ASCC3: variants seen among roughly 807,000 people sequenced by gnomAD.
The protein encoded by ASCC3 is ASC-1 complex subunit P200.
ASCC3 carries 158 observed loss-of-function variants against 256.3 expected under a neutral mutation model. The ratio of observed to expected loss-of-function variants is 0.62; its 90% confidence interval spans 0.54 to 0.70. The LOEUF is 0.70. Ranked by LOEUF, ASCC3 falls within the 30% of genes least tolerant of loss-of-function variation. The probability of loss-of-function intolerance (pLI) is 0.00; values close to 1 mark genes in which losing one functional copy is unlikely to be tolerated. For missense variants in ASCC3, 2,259 were observed against 2,626.0 expected, an observed-to-expected ratio of 0.86 and a Z score of 3.05; for synonymous variants, 948 against 883.4, an observed-to-expected ratio of 1.07 and a Z score of -1.30.
chr6:100,780,777 T>C (rs1182425043), intron 8 of ASCC3, among the ~76,000 whole-genome samples: 1 of 152,172 alleles, frequency 6.6e-6, no homozygotes, highest in Admixed American at 6.5e-5. Flanking sequence ...TTTCCAAAAT[T>C]GACTCAATCA....
chr6:100,563,255 C>CT (rs1042019336), intron 36 of ASCC3, among the ~76,000 whole-genome samples: 3 of 152,002 alleles, frequency 2.0e-5, no homozygotes, highest in Non-Finnish European at 2.9e-5. Flanking sequence ...TTCTTCAACT[C>CT]TTTTTTGTGC....
intron 4 of ASCC3, among the ~76,000 whole-genome samples, chr6:100,847,253 T>C (rs1462009401): frequency 6.6e-6 from 1 of 152,154 alleles, no homozygotes; most frequent in Non-Finnish European, 1.5e-5. Context: ...TGAGCAAATA[T>C]TAGTAAAATT....
chr6:100,863,969 A>C, intron 3 of ASCC3, 95 bp downstream of exon 3: 4 of 1,147,928 alleles, frequency 3.5e-6, no homozygotes, highest in Non-Finnish European at 4.8e-6. Context: ...AGGAAATTTT[A>C]GCTTTCCTTT....
At chr6:100,853,102 A>T (rs779196833) in intron 3 of ASCC3, among the ~76,000 whole-genome samples, 4 of 152,150 alleles carry the variant, frequency 2.6e-5, no homozygotes, top group Non-Finnish European at 5.9e-5. Flanking sequence ...ATTATAAATA[A>T]TTTTCAAACT....
At chr6:100,717,654 T>A (rs768224251) in intron 12 of ASCC3, among the ~76,000 whole-genome samples, 4 of 152,072 alleles carry the variant, frequency 2.6e-5, no homozygotes, top group Non-Finnish European at 4.4e-5. Context: ...GTTGCTACTA[T>A]GATATTATTT....
At chr6:100,872,469 C>CGGGGGGG (rs757129669) in intron 1 of ASCC3, among the ~76,000 whole-genome samples, 1 of 128,788 alleles carries the variant, frequency 7.8e-6, no homozygotes. Context: ...AAAAAAGGGT[C>CGGGGGGG]GGGGGGGGAT....
chr6:100,724,975 G>A (rs1273189997), intron 11 of ASCC3, among the ~76,000 whole-genome samples: 1 of 151,866 alleles, frequency 6.6e-6, no homozygotes, highest in South Asian at 2.1e-4. Flanking sequence ...ACTAGTAATC[G>A]GCAGTCTGGC....
intron 8 of ASCC3, among the ~76,000 whole-genome samples, chr6:100,773,715 A>G (rs1210321766): frequency 6.6e-6 from 1 of 152,176 alleles, no homozygotes; most frequent in African/African-American, 2.4e-5. Flanking sequence ...TTACTCCAGT[A>G]CCTAATCAAT....
intron 8 of ASCC3, among the ~76,000 whole-genome samples, chr6:100,780,876 C>T (rs1201379329): frequency 6.6e-6 from 1 of 152,180 alleles, no homozygotes; most frequent in Non-Finnish European, 1.5e-5. Context: ...CCAACCTAAG[C>T]CTCATTACTC....
intron 11 of ASCC3, among the ~76,000 whole-genome samples, chr6:100,724,948 C>T (rs1779556016): frequency 1.3e-5 from 2 of 151,996 alleles, no homozygotes; most frequent in African/African-American, 4.8e-5. Context: ...TAGTCAGCAT[C>T]TCCAGCAATA....
intron 37 of ASCC3, among the ~76,000 whole-genome samples, chr6:100,537,220 G>A (rs1775204307): frequency 6.6e-6 from 1 of 152,102 alleles, no homozygotes; most frequent in African/African-American, 2.4e-5. Context: ...TCTGTCATAA[G>A]CCTCCTGATA....
intron 3 of ASCC3, among the ~76,000 whole-genome samples, chr6:100,852,665 A>C (rs576016250): frequency 2.0e-5 from 3 of 152,312 alleles, no homozygotes; most frequent in Non-Finnish European, 4.4e-5. Context: ...GCCACAGATA[A>C]ATTGATACAC....
At chr6:100,866,857 C>G (rs535321476) in intron 2 of ASCC3, among the ~76,000 whole-genome samples, 11 of 152,280 alleles carry the variant, frequency 7.2e-5, no homozygotes, top group Non-Finnish European at 1.3e-4. Context: ...TTTTGTTATT[C>G]TGTGCAAACT....
intron 30 of ASCC3, among the ~76,000 whole-genome samples, chr6:100,621,915 GA>G (rs1773971431): frequency 6.6e-6 from 1 of 152,164 alleles, no homozygotes; most frequent in South Asian, 2.1e-4. Context: ...GCCATGAAAA[GA>G]AATGAGATCA....
At chr6:100,515,727 G>C (rs1320900492) in intron 39 of ASCC3, among the ~76,000 whole-genome samples, 1 of 152,118 alleles carries the variant, frequency 6.6e-6, no homozygotes, top group Non-Finnish European at 1.5e-5. Flanking sequence ...ACAAATAACT[G>C]AGGGCATTGC....
chr6:100,659,385 T>C (rs1252663844), intron 16 of ASCC3, among the ~76,000 whole-genome samples: 1 of 151,482 alleles, frequency 6.6e-6, no homozygotes, highest in Non-Finnish European at 1.5e-5. Context: ...AAATTTATTT[T>C]AATAGGGAAC....
At chr6:100,628,099 AAAACAAAAAAAAAG>A in intron 27 of ASCC3, 112 bp from the exon 28 acceptor site, 44 of 1,152,996 alleles carry the variant, frequency 3.8e-5, no homozygotes, top group Non-Finnish European at 5.0e-5. Context: ...AACAAAAAAA[AAAACAAAAAAAAAG>A]CTAAAGCTAG....
intron 4 of ASCC3, among the ~76,000 whole-genome samples, chr6:100,815,795 T>TA (rs1459988554): frequency 2.0e-5 from 3 of 152,030 alleles, no homozygotes; most frequent in Non-Finnish European, 4.4e-5. Flanking sequence ...GACTTAAATG[T>TA]AAAACCTAAA....
chr6:100,837,774 C>T (rs114981785), intron 4 of ASCC3, among the ~76,000 whole-genome samples: 4 of 151,276 alleles, frequency 2.6e-5, no homozygotes, highest in Non-Finnish European at 1.5e-5. Context: ...CCAATGGGTA[C>T]GAAGTTACAG....
Sources: allele counts gnomAD v4.1 joint callset (sites outside exome capture counted in the v4.1 genomes callset), GRCh38; gene constraint gnomAD v4.1.1; transcripts MANE v1.5; gene names NCBI Gene and HGNC (gene_info 2026-07-23, HGNC 2026-07-21).